Variants in RERG observed in about 807,000 individuals in gnomAD.
RERG encodes the protein ras-related and estrogen-regulated growth inhibitor.
Under a neutral mutation model 23.2 loss-of-function variants are expected in RERG, and 25 were observed. The observed-to-expected ratio is 1.08, with a 90% CI of 0.79 to 1.50. RERG has a LOEUF of 1.50. Among genes scored for constraint, RERG ranks in the 40% most tolerant of loss-of-function variants. RERG has a pLI of 0.00. For synonymous variants in RERG, 81 were observed against 89.1 expected, an observed-to-expected ratio of 0.91 and a Z score of 0.51; for missense variants, 253 against 250.1, an observed-to-expected ratio of 1.01 and a Z score of -0.08.
chr12:15,127,850 G>A (rs1325439344), intron 2 of RERG, among the ~76,000 whole-genome samples: 4 of 152,116 alleles, frequency 2.6e-5, no homozygotes, highest in East Asian at 1.9e-4. Flanking sequence ...GGAAGCTTAA[G>A]TATATATTAA....
chr12:15,220,339 G>A (rs1262147818), intron 1 of RERG, among the ~76,000 whole-genome samples: 1 of 152,056 alleles, frequency 6.6e-6, no homozygotes. Context: ...GTTTGAAGGT[G>A]TAGGTTTTTT....
At chr12:15,208,571 A>G (rs887245385) in intron 2 of RERG, among the ~76,000 whole-genome samples, 12 of 152,188 alleles carry the variant, frequency 7.9e-5, no homozygotes, top group African/African-American at 2.9e-4. Context: ...AGAAACAGCT[A>G]CTGCTTTGCC....
intron 2 of RERG, among the ~76,000 whole-genome samples, chr12:15,215,191 C>T (rs1052942157): frequency 2.6e-5 from 4 of 152,164 alleles, no homozygotes; most frequent in Non-Finnish European, 4.4e-5. Flanking sequence ...GCAATTTCAA[C>T]CTGTGCATTT....
At chr12:15,131,573 A>C (rs147657176) in intron 2 of RERG, among the ~76,000 whole-genome samples, 1 of 152,290 alleles carries the variant, frequency 6.6e-6, no homozygotes, top group African/African-American at 2.4e-5. Flanking sequence ...GGCACATAAG[A>C]AATTGACAAC....
At chr12:15,118,763 C>G (rs928992386) in intron 3 of RERG, among the ~76,000 whole-genome samples, 5 of 152,082 alleles carry the variant, frequency 3.3e-5, no homozygotes, top group African/African-American at 9.7e-5. Flanking sequence ...TCCCACTTTC[C>G]CTTCTGCCGT....
chr12:15,171,735 T>C (rs1390876689), intron 2 of RERG, among the ~76,000 whole-genome samples: 1 of 152,140 alleles, frequency 6.6e-6, no homozygotes, highest in Non-Finnish European at 1.5e-5. Context: ...CCAGAGCTCA[T>C]GCAAAAGAAT....
At chr12:15,154,705 G>A (rs910979748) in intron 2 of RERG, among the ~76,000 whole-genome samples, 2 of 152,176 alleles carry the variant, frequency 1.3e-5, no homozygotes, top group African/African-American at 4.8e-5. Context: ...GACAATCAAT[G>A]TAGGTTGAAA....
chr12:15,161,134 CAGAAAA>C, intron 2 of RERG, among the ~76,000 whole-genome samples: 1 of 55,436 alleles, frequency 1.8e-5, no homozygotes, highest in Non-Finnish European at 3.6e-5. Context: ...GACTCCATCT[CAGAAAA>C]AGAAAGAAAG....
At chr12:15,183,173 G>A (rs191678968) in intron 2 of RERG, among the ~76,000 whole-genome samples, 3 of 152,062 alleles carry the variant, frequency 2.0e-5, no homozygotes, top group African/African-American at 4.8e-5. Flanking sequence ...GGGGATGTAA[G>A]ATCTAAATTA....
rs758024691 is a variant in RERG, at chr12:15,129,234, G to A, written c.62-8115C>T. On this transcript the variant is annotated intron_variant, in intron 2 of 4. Coordinates refer to ENST00000256953, the MANE Select transcript of RERG (RefSeq NM_032918.3). ...AAAACTATTTCTGTACTGAAGAGCT[G>A]TTCTGGAAGGGAATGGAAATGAGCT... 4.0e-5 allele frequency among the ~76,000 whole-genome samples: 6 copies of A among 151,086 alleles called. No individual in the cohort carries two copies. In the South Asian group the frequency reaches 1.0e-3, roughly 26 times the overall value.
chr12:15,155,402 G>T (rs1223931357), intron 2 of RERG: 1 of 152,232 alleles, frequency 6.6e-6, no homozygotes, highest in Non-Finnish European at 1.5e-5. Flanking sequence ...TCTGAGCTGT[G>T]TTTCCACAGG....
chr12:15,127,057 C>T (rs927146464), intron 2 of RERG, among the ~76,000 whole-genome samples: 4 of 152,174 alleles, frequency 2.6e-5, no homozygotes, highest in Admixed American at 6.5e-5. Flanking sequence ...AGAAGCATCA[C>T]CTCCTCTTTA....
rs758989434 is a variant in RERG, at chr12:15,109,312, CCTT to C, written c.395_397del (p.Glu132del). On this transcript the variant is annotated inframe_deletion, in exon 5 of 5. Coordinates refer to ENST00000256953, the MANE Select transcript of RERG (RefSeq NM_032918.3). ...AGCCAATTCTGTGGCCAGCTTCTCT[CCTT>C]CTTCTGTGCTAACCTGCCTGGAGTG... 1.1e-5 allele frequency: 17 copies of C among 1,614,066 alleles called. No homozygotes were observed. Among genetic ancestry groups the C allele is most frequent in the East Asian group, 2.2e-5 (1 of 44,890 alleles).
chr12:15,148,664 G>A (rs1014132580), intron 2 of RERG, among the ~76,000 whole-genome samples: 1 of 152,130 alleles, frequency 6.6e-6, no homozygotes, highest in African/African-American at 2.4e-5. Context: ...GTCATGAAGT[G>A]AATGAGAAGA....
At chr12:15,145,524 G>A (rs1279573274) in intron 2 of RERG, among the ~76,000 whole-genome samples, 2 of 152,228 alleles carry the variant, frequency 1.3e-5, no homozygotes, top group East Asian at 1.9e-4. Context: ...GGGTGTGTCC[G>A]ATGCTAGCTC....
chr12:15,156,643 T>C (rs1430615462), intron 2 of RERG, among the ~76,000 whole-genome samples: 2 of 152,182 alleles, frequency 1.3e-5, no homozygotes, highest in African/African-American at 2.4e-5. Flanking sequence ...CTCTAATAGT[T>C]GTTAGTATTT....
At chr12:15,221,132 C>A (rs34865760) in intron 1 of RERG, 63 bp downstream of exon 1, 11 of 152,406 alleles carry the variant, frequency 7.2e-5, no homozygotes, top group African/African-American at 2.2e-4. Flanking sequence ...GCGCTCAGGG[C>A]TCGGAATGGG....
In RERG at chr12:15,154,578, T is replaced by C. The variant is rs148373562; in HGVS notation, c.62-33459A>G. ...CCTGATTAATGAGAAATTTGCAGAA[T>C]GGGAAAAACACTGCAATTATAGGCA... is the stretch of plus-strand genomic sequence containing the variant. On this transcript the variant is annotated intron_variant, in intron 2 of 4. Transcript: ENST00000256953. Among the ~76,000 whole-genome samples, 5 of 152,304 alleles carry C rather than the reference T, an allele frequency of 3.3e-5. No individual in the cohort carries two copies. The East Asian group carries it at 9.6e-4, about 29-fold the overall frequency.
Position 15,110,455 on chromosome 12 carries a change from A to ATTTTTTT in RERG, c.192+882_192+888dup, listed in dbSNP as rs1257915419. Among the ~76,000 whole-genome samples, 47 of 59,258 alleles carry ATTTTTTT rather than the reference A, an allele frequency of 7.9e-4. 1 individual carries two copies. Among genetic ancestry groups the ATTTTTTT allele is most frequent in the East Asian group, 5.5e-3 (11 of 1,992 alleles). 38.9% of individuals were successfully genotyped at this position (59,258 alleles called of 152,430 possible). On this transcript the variant is annotated intron_variant, in intron 4 of 4. Transcript: ENST00000256953. ...TTAGCTTTCTGTCATTCCAGTGGCCATTTTTTTCTTTTTTTTTTTTTTTTT... is the reference window on the plus strand; with the variant it reads ...TTAGCTTTCTGTCATTCCAGTGGCCATTTTTTTTTTTTTTCTTTTTTTTTTTTTTTTT...
Sources: allele counts gnomAD v4.1 joint callset (sites outside exome capture counted in the v4.1 genomes callset), GRCh38; gene constraint gnomAD v4.1.1; transcripts MANE v1.5; gene names NCBI Gene and HGNC (gene_info 2026-07-23, HGNC 2026-07-21).